Variants in PLEKHA8 observed in about 807,000 individuals in gnomAD.
PLEKHA8 encodes pleckstrin homology domain-containing family A member 8.
Under a neutral mutation model 68.2 loss-of-function variants are expected in PLEKHA8, and 36 were observed. That is an observed-to-expected ratio of 0.53 (90% CI 0.40 to 0.70). The LOEUF (loss-of-function observed/expected upper bound fraction) is 0.70, where lower values mean the gene tolerates loss of function less well. Ranked by LOEUF, PLEKHA8 falls within the 30% of genes least tolerant of loss-of-function variation. The pLI, the probability that PLEKHA8 is intolerant of heterozygous loss-of-function variation, is 0.00. For synonymous variants in PLEKHA8, 211 were observed against 216.1 expected (o/e 0.98, Z 0.20); for missense variants, 505 against 615.4 (o/e 0.82, Z 1.90).
At position 30,082,771 on chromosome 7, in the gene PLEKHA8, C is replaced by G. The variant is rs896863767; in HGVS notation, c.*3984C>G. On this transcript the variant is annotated 3_prime_UTR_variant, in exon 14 of 14. Coordinates refer to ENST00000449726, the MANE Select transcript of PLEKHA8 (RefSeq NM_001197026.2). Reference sequence around the variant, plus strand: ...AGATTTTTTTTTAAGGAAACTTAATCTGATTGTGAAAATCATACATATGGA... The same window carrying G: ...AGATTTTTTTTTAAGGAAACTTAATGTGATTGTGAAAATCATACATATGGA... 5 of 984,846 alleles carry G rather than the reference C, an allele frequency of 5.1e-6. No individual in the cohort carries two copies. The highest frequency in any genetic ancestry group is 6.0e-6 in the Non-Finnish European group (5 of 829,738). The allele number at this position is 984,846 out of a possible 1,614,324, so 61.0% of individuals were successfully genotyped here. A position where few individuals can be genotyped will look rare whatever the true frequency, so the allele number is the denominator to read the frequency against.
rs549190557 is a variant in PLEKHA8, at chr7:30,041,141, G to A, written c.41-3944G>A. On this transcript the variant is annotated intron_variant, in intron 1 of 13. Coordinates refer to ENST00000449726, the MANE Select transcript of PLEKHA8 (RefSeq NM_001197026.2). ...ACTGGACATTATGAAAGACCAGTGT[G>A]TCCTAATACTAATCTGAACTCTCTC... Among the ~76,000 whole-genome samples the A allele has an allele frequency of 2.6e-5, 4 of 152,294 alleles. No individual in the cohort carries two copies. The South Asian group carries it at 8.3e-4, about 32-fold the overall frequency.
chr7:30,031,420 AAAG>A lies in PLEKHA8; in HGVS notation c.40+2624_40+2626del, dbSNP rs1271385362. Among the ~76,000 whole-genome samples the A allele has an allele frequency of 7.2e-5, 11 of 152,316 alleles. No individual in the cohort carries two copies. In the South Asian group the frequency reaches 1.9e-3, roughly 26 times the overall value. On this transcript the variant is annotated intron_variant, in intron 1 of 13. Transcript: ENST00000449726. ...AGGCAGAGGTGTAGTTAGAGGAAAT[AAAG>A]AAGAACTTTTCAGGCACAGGGAATG...
At chr7:30,074,579 C>A (rs1794498192) in intron 13 of PLEKHA8, among the ~76,000 whole-genome samples, 1 of 152,104 alleles carries the variant, frequency 6.6e-6, no homozygotes. Flanking sequence ...AAATACTTAT[C>A]ATTGAAGGGA....
At chr7:30,074,018 G>A (rs991440992) in intron 12 of PLEKHA8, 53 bp from the exon 13 acceptor site, 13 of 1,451,858 alleles carry the variant, frequency 9.0e-6, no homozygotes, top group Non-Finnish European at 1.2e-5. Flanking sequence ...TATACAAATA[G>A]CACATCAAAT....
At chr7:30,057,056 A>C (rs562483593) in intron 9 of PLEKHA8, among the ~76,000 whole-genome samples, 2 of 151,914 alleles carry the variant, frequency 1.3e-5, no homozygotes, top group South Asian at 2.1e-4. Context: ...TTAACTATAC[A>C]TCTTTTGTAA....
intron 1 of PLEKHA8, among the ~76,000 whole-genome samples, chr7:30,039,581 G>A (rs563421671): frequency 9.2e-5 from 14 of 152,246 alleles, no homozygotes; most frequent in Non-Finnish European, 1.6e-4. Context: ...TGATGTTATC[G>A]TAAATGGATT....
downstream of PLEKHA8, among the ~76,000 whole-genome samples, chr7:30,087,983 A>G (rs770755361): frequency 5.9e-5 from 9 of 152,206 alleles, no homozygotes; most frequent in African/African-American, 1.9e-4. Context: ...TTTCCTGTCA[A>G]TGTGCCCCGC....
At chr7:30,051,316 C>A (rs1170456479) in intron 6 of PLEKHA8, among the ~76,000 whole-genome samples, 2 of 151,938 alleles carry the variant, frequency 1.3e-5, no homozygotes, top group African/African-American at 4.8e-5. Flanking sequence ...TTACTAGGAG[C>A]ATATTTGTAG....
At chr7:30,040,640 A>T (rs1024848968) in intron 1 of PLEKHA8, among the ~76,000 whole-genome samples, 5 of 152,210 alleles carry the variant, frequency 3.3e-5, no homozygotes, top group African/African-American at 1.2e-4. Flanking sequence ...TCAATGGAAA[A>T]GTACTAGGTA....
At chr7:30,118,007 T>TA in intron 13 of PLEKHA8, 1 of 1,529,828 alleles carries the variant, frequency 6.5e-7, no homozygotes, top group Non-Finnish European at 8.7e-7. Context: ...AGGAGGGCTG[T>TA]CACTCAGAAT....
intron 13 of PLEKHA8, among the ~76,000 whole-genome samples, chr7:30,115,576 G>GCACGTATACATGTAGACATGTATACATA (rs1289734996): frequency 1.3e-5 from 1 of 75,738 alleles, no homozygotes; most frequent in Non-Finnish European, 3.5e-5. Flanking sequence ...ATGTATACAT[G>GCACGTATACATGTAGACATGTATACATA]CACGTATACA....
downstream of PLEKHA8, among the ~76,000 whole-genome samples, chr7:30,089,604 A>G (rs545587643): frequency 6.6e-6 from 1 of 152,220 alleles, no homozygotes; most frequent in Non-Finnish European, 1.5e-5. Context: ...TGCTCACCTT[A>G]AACATGAGCA....
At chr7:30,041,245 A>G (rs1029034286) in intron 1 of PLEKHA8, among the ~76,000 whole-genome samples, 6 of 152,156 alleles carry the variant, frequency 3.9e-5, no homozygotes, top group Non-Finnish European at 5.9e-5. Context: ...AACTGCAAGA[A>G]TTTTGTGCTT....
chr7:30,046,387 C>A, intron 3 of PLEKHA8, 22 bp downstream of exon 3: 1 of 1,550,464 alleles, frequency 6.4e-7, no homozygotes, highest in Non-Finnish European at 8.7e-7. Flanking sequence ...TTGTCCTTTG[C>A]TGTGGAAACC....
At chr7:30,048,116 A>G (rs1047467789) in intron 4 of PLEKHA8, among the ~76,000 whole-genome samples, 160 bp downstream of exon 4, 3 of 152,072 alleles carry the variant, frequency 2.0e-5, no homozygotes, top group African/African-American at 7.2e-5. Context: ...CTCTCATCTA[A>G]TTTTTTGACT....
intron 13 of PLEKHA8, among the ~76,000 whole-genome samples, chr7:30,126,771 A>C (rs1353026914): frequency 6.6e-6 from 1 of 152,212 alleles, no homozygotes; most frequent in Non-Finnish European, 1.5e-5. Flanking sequence ...GAACTTATGC[A>C]GGGAAACTCC....
chr7:30,074,033 A>T, intron 12 of PLEKHA8, 38 bp from the exon 13 acceptor site: 4 of 1,540,842 alleles, frequency 2.6e-6, no homozygotes, highest in Admixed American at 1.8e-5. Flanking sequence ...TCAAATTCTG[A>T]TGAAAGTGTT....
chr7:30,128,578 T>C (rs1467760419), intron 13 of PLEKHA8, among the ~76,000 whole-genome samples: 1 of 152,234 alleles, frequency 6.6e-6, no homozygotes, highest in Non-Finnish European at 1.5e-5. Flanking sequence ...TTTTTTTATT[T>C]CCCATTTTTC....
chr7:30,081,555 C>T lies in PLEKHA8; in HGVS notation c.*2768C>T. On this transcript the variant is annotated 3_prime_UTR_variant, in exon 14 of 14. Coordinates refer to ENST00000449726, the MANE Select transcript of PLEKHA8 (RefSeq NM_001197026.2). ...GAAAAGATATTTAAAGCTTTCTCTC[C>T]ATAGCCCTCCAAGACTTCTGGGACA... 3 of 984,904 alleles carry T rather than the reference C, an allele frequency of 3.0e-6. No individual in the cohort carries two copies. The highest frequency in any genetic ancestry group is 4.7e-5 in the South Asian group (1 of 21,258). 61.0% of individuals were successfully genotyped at this position (984,904 alleles called of 1,614,324 possible).
Sources: allele counts gnomAD v4.1 joint callset (sites outside exome capture counted in the v4.1 genomes callset), GRCh38; gene constraint gnomAD v4.1.1; transcripts MANE v1.5; gene names NCBI Gene and HGNC (gene_info 2026-07-23, HGNC 2026-07-21).